SLC24A3: variants seen among roughly 807,000 people sequenced by gnomAD.
SLC24A3 encodes the protein solute carrier family 24 member 3.
SLC24A3 carries 28 observed loss-of-function variants against 75.8 expected under a neutral mutation model. The ratio of observed to expected loss-of-function variants is 0.37; its 90% confidence interval spans 0.27 to 0.51. SLC24A3 has a LOEUF of 0.51. SLC24A3 is among the 20% of genes least tolerant of loss of function. SLC24A3 has a pLI of 0.94. For missense variants in SLC24A3, 663 were observed against 847.8 expected, an observed-to-expected ratio of 0.78 and a Z score of 2.71; for synonymous variants, 372 against 334.1, an observed-to-expected ratio of 1.11 and a Z score of -1.24.
chr20:19,386,417 A>G (rs913876738), intron 2 of SLC24A3, among the ~76,000 whole-genome samples: 11 of 152,146 alleles, frequency 7.2e-5, no homozygotes, highest in African/African-American at 2.7e-4. Flanking sequence ...TTTATTTCTT[A>G]TCTGGTTGCT....
At chr20:19,281,228 T>G (rs111823351) in intron 2 of SLC24A3, 141 bp downstream of exon 2, 21 of 1,237,156 alleles carry the variant, frequency 1.7e-5, no homozygotes, top group African/African-American at 1.5e-4. Context: ...TAAGAAACTT[T>G]CAGGTGACAT....
At chr20:19,445,063 A>G (rs978172917) in intron 2 of SLC24A3, among the ~76,000 whole-genome samples, 2 of 152,116 alleles carry the variant, frequency 1.3e-5, no homozygotes, top group Non-Finnish European at 2.9e-5. Context: ...AAGATAACAC[A>G]CTCTGTATAA....
chr20:19,464,544 A>G (rs1259344422), intron 2 of SLC24A3, among the ~76,000 whole-genome samples: 1 of 152,226 alleles, frequency 6.6e-6, no homozygotes, highest in Non-Finnish European at 1.5e-5. Context: ...TTAGATCACC[A>G]AACGGTGAAC....
chr20:19,331,952 C>A (rs1288984792), intron 2 of SLC24A3, among the ~76,000 whole-genome samples: 1 of 152,226 alleles, frequency 6.6e-6, no homozygotes, highest in Admixed American at 6.5e-5. Flanking sequence ...CTATAACCAG[C>A]CAAGGAAGAA....
intron 2 of SLC24A3, among the ~76,000 whole-genome samples, chr20:19,411,481 T>C (rs781343517): frequency 3.9e-5 from 6 of 152,234 alleles, no homozygotes; most frequent in Admixed American, 1.3e-4. Context: ...GATTGATGTT[T>C]CTTCCTCCCA....
intron 2 of SLC24A3, among the ~76,000 whole-genome samples, chr20:19,440,654 T>G (rs997312687): frequency 2.0e-5 from 3 of 151,830 alleles, no homozygotes; most frequent in Non-Finnish European, 2.9e-5. Flanking sequence ...TGTTTTTTTT[T>G]TTTTTTTTTT....
chr20:19,701,008 T>C (rs1389208117), intron 15 of SLC24A3, among the ~76,000 whole-genome samples: 1 of 152,244 alleles, frequency 6.6e-6, no homozygotes, highest in Non-Finnish European at 1.5e-5. Flanking sequence ...TTTTCCAGAA[T>C]GACAATATTT....
intron 2 of SLC24A3, among the ~76,000 whole-genome samples, chr20:19,407,828 A>G (rs879502541): frequency 3.9e-5 from 6 of 152,242 alleles, no homozygotes; most frequent in Admixed American, 3.9e-4. Flanking sequence ...AAACCGCCAC[A>G]GAAGAATTTG....
chr20:19,378,289 TA>T (rs921230331), intron 2 of SLC24A3, among the ~76,000 whole-genome samples: 56 of 148,208 alleles, frequency 3.8e-4, no homozygotes, highest in Non-Finnish European at 5.8e-4. Context: ...GAGGTTTTTT[TA>T]AAAAAAAAAA....
intron 2 of SLC24A3, among the ~76,000 whole-genome samples, chr20:19,357,176 G>A (rs1038426891): frequency 6.6e-6 from 1 of 152,144 alleles, no homozygotes; most frequent in South Asian, 2.1e-4. Context: ...CAGAGATTGG[G>A]GTGATGCAGT....
chr20:19,571,902 T>A (rs1396797998), intron 3 of SLC24A3, among the ~76,000 whole-genome samples: 3 of 152,104 alleles, frequency 2.0e-5, no homozygotes, highest in Non-Finnish European at 4.4e-5. Context: ...CTTAACTCAC[T>A]CCCCTCTTGT....
At chr20:19,332,351 C>T (rs1985019096) in intron 2 of SLC24A3, among the ~76,000 whole-genome samples, 1 of 152,130 alleles carries the variant, frequency 6.6e-6, no homozygotes, top group South Asian at 2.1e-4. Context: ...CCCTGAGCCC[C>T]CTTGCCTTGT....
intron 15 of SLC24A3, among the ~76,000 whole-genome samples, chr20:19,712,076 A>G (rs2032998932): frequency 6.6e-6 from 1 of 152,124 alleles, no homozygotes; most frequent in Non-Finnish European, 1.5e-5. Context: ...CCTTTCAAGT[A>G]GCTGGGACTA....
intron 2 of SLC24A3, among the ~76,000 whole-genome samples, chr20:19,286,297 T>A (rs1023047871): frequency 2.6e-5 from 4 of 152,016 alleles, no homozygotes; most frequent in African/African-American, 9.7e-5. Flanking sequence ...GGGAAGTCTA[T>A]ATGAGAGAAG....
chr20:19,679,388 A>G (rs2032580120), intron 9 of SLC24A3, among the ~76,000 whole-genome samples: 1 of 152,258 alleles, frequency 6.6e-6, no homozygotes, highest in African/African-American at 2.4e-5. Flanking sequence ...CTGCAATCGC[A>G]GGCACTCCGC....
rs553743310 is a variant in SLC24A3, at chr20:19,257,974, C to T, written c.143-22985C>T. 2.8e-4 allele frequency among the ~76,000 whole-genome samples: 43 copies of T among 152,348 alleles called. 1 individual carries two copies. The highest frequency in any genetic ancestry group is 1.6e-3 in the Admixed American group (24 of 15,306). On this transcript the variant is annotated intron_variant, in intron 1 of 16. Coordinates refer to ENST00000328041, the MANE Select transcript of SLC24A3 (RefSeq NM_020689.4). ...CTGAGTAGCTGGAACTACAGGCACA[C>T]GCATCACTGTGCCCAGCTCACCTGC... is the stretch of plus-strand genomic sequence containing the variant.
intron 1 of SLC24A3, chr20:19,265,703 ATC>A (rs1379381061): frequency 6.6e-6 from 1 of 152,526 alleles, no homozygotes; most frequent in East Asian, 1.9e-4. Flanking sequence ...GACCTTGCCT[ATC>A]TCTGTCCTTT....
intron 6 of SLC24A3, among the ~76,000 whole-genome samples, chr20:19,619,400 T>G (rs1267175805): frequency 1.3e-5 from 2 of 152,158 alleles, no homozygotes; most frequent in African/African-American, 4.8e-5. Flanking sequence ...TGTTTCCAGC[T>G]GGGAAGCCAG....
chr20:19,291,206 C>G (rs1600414172), intron 2 of SLC24A3, among the ~76,000 whole-genome samples: 1 of 152,330 alleles, frequency 6.6e-6, no homozygotes, highest in East Asian at 1.9e-4. Context: ...ACTCCCAGGC[C>G]TGGGTGGACT....
Sources: allele counts gnomAD v4.1 joint callset (sites outside exome capture counted in the v4.1 genomes callset), GRCh38; gene constraint gnomAD v4.1.1; transcripts MANE v1.5; gene names NCBI Gene and HGNC (gene_info 2026-07-23, HGNC 2026-07-21).